Variants in AMPD1 observed in about 807,000 individuals in gnomAD.
The protein encoded by AMPD1 is adenosine monophosphate deaminase 1, also known as AMP deaminase 1.
AMPD1 carries 74 observed loss-of-function variants against 82.9 expected under a neutral mutation model. The ratio of observed to expected loss-of-function variants is 0.89; its 90% CI spans 0.74 to 1.08. The LOEUF (loss-of-function observed/expected upper bound fraction) is 1.08. Ranked by LOEUF, AMPD1 falls within the 50% of genes least tolerant of loss-of-function variation. AMPD1 has a pLI of 0.00. For missense variants in AMPD1, 881 were observed against 924.5 expected, an observed-to-expected ratio of 0.95 and a Z score of 0.61; for synonymous variants, 333 against 320.5, an observed-to-expected ratio of 1.04 and a Z score of -0.42.
intron 1 of AMPD1, among the ~76,000 whole-genome samples, chr1:114,694,527 T>C (rs1658621594): frequency 6.6e-6 from 1 of 152,110 alleles, no homozygotes; most frequent in Non-Finnish European, 1.5e-5. Flanking sequence ...TATCTTTGGA[T>C]AATGGATGTG....
intron 15 of AMPD1, 146 bp downstream of exon 15, chr1:114,673,493 T>C (rs1476609866): frequency 2.2e-5 from 19 of 865,780 alleles, no homozygotes; most frequent in Non-Finnish European, 1.1e-5. Context: ...GGCAAAGAGA[T>C]AGAATAATCC....
chr1:114,676,968 G>A (rs572808445), intron 10 of AMPD1, among the ~76,000 whole-genome samples: 2 of 152,204 alleles, frequency 1.3e-5, no homozygotes, highest in East Asian at 3.9e-4. Flanking sequence ...AGTAGTAAAG[G>A]TTCTGATACA....
chr1:114,686,649 C>T (rs1176185419), intron 4 of AMPD1, 96 bp downstream of exon 4: 4 of 1,320,022 alleles, frequency 3.0e-6, no homozygotes, highest in Non-Finnish European at 4.4e-6. Flanking sequence ...TGAGCTAATA[C>T]CTCCCTCAAC....
intron 1 of AMPD1, among the ~76,000 whole-genome samples, chr1:114,694,650 C>A (rs1320684731): frequency 6.6e-6 from 1 of 151,966 alleles, no homozygotes; most frequent in African/African-American, 2.4e-5. Flanking sequence ...TTAAGATGAG[C>A]CTGGGCAACA....
intron 7 of AMPD1, 54 bp from the exon 8 acceptor site, chr1:114,678,581 C>T: frequency 6.6e-7 from 1 of 1,510,204 alleles, no homozygotes; most frequent in South Asian, 1.1e-5. Context: ...AGTTATGCTA[C>T]TCTGTTTAGA....
chr1:114,679,194 A>T (rs1441006972), intron 7 of AMPD1, among the ~76,000 whole-genome samples: 1 of 152,176 alleles, frequency 6.6e-6, no homozygotes, highest in Non-Finnish European at 1.5e-5. Flanking sequence ...TCCCAATTTG[A>T]CAAATGAAGA....
chr1:114,693,922 C>T (rs1488522610), intron 1 of AMPD1, among the ~76,000 whole-genome samples: 1 of 152,150 alleles, frequency 6.6e-6, no homozygotes, highest in African/African-American at 2.4e-5. Context: ...CATAAAGAGG[C>T]CGGGTGCAGT....
chr1:114,676,995 G>C (rs1658002404), intron 10 of AMPD1, among the ~76,000 whole-genome samples: 1 of 152,144 alleles, frequency 6.6e-6, no homozygotes, highest in South Asian at 2.1e-4. Flanking sequence ...CCACATCCCA[G>C]TAGAGATGAG....
At chr1:114,691,863 T>C (rs886575749) in intron 2 of AMPD1, among the ~76,000 whole-genome samples, 1 of 151,882 alleles carries the variant, frequency 6.6e-6, no homozygotes, top group Non-Finnish European at 1.5e-5. Context: ...AGGTGGAGCT[T>C]GCAATGAGCC....
At chr1:114,679,757 A>G in intron 6 of AMPD1, 49 bp from the exon 7 acceptor site, 5 of 1,599,534 alleles carry the variant, frequency 3.1e-6, no homozygotes, top group Non-Finnish European at 4.3e-6. Flanking sequence ...GGCATTCAAG[A>G]AAAACAGTCA....
intron 3 of AMPD1, among the ~76,000 whole-genome samples, chr1:114,687,906 C>A (rs1658366799): frequency 6.6e-6 from 1 of 152,072 alleles, no homozygotes; most frequent in South Asian, 2.1e-4. Context: ...TCTTGAGTCC[C>A]AGTTTATATT....
intron 4 of AMPD1, among the ~76,000 whole-genome samples, chr1:114,685,500 G>A (rs773358171): frequency 5.3e-5 from 8 of 152,302 alleles, no homozygotes; most frequent in Admixed American, 2.0e-4. Context: ...CAGGTAGAGC[G>A]TAGAGTGTTG....
chr1:114,688,843 A>G, intron 2 of AMPD1, 102 bp from the exon 3 acceptor site: 2 of 1,331,996 alleles, frequency 1.5e-6, no homozygotes, highest in Non-Finnish European at 2.2e-6. Context: ...TGCTGCGTGC[A>G]TGGCTCTCCT....
At chr1:114,677,884 C>T (rs1368173910) in intron 9 of AMPD1, 26 bp downstream of exon 9, 2 of 1,594,582 alleles carry the variant, frequency 1.3e-6, no homozygotes, top group South Asian at 2.2e-5. Context: ...TGCCAGATAC[C>T]ATAGATGTGA....
intron 12 of AMPD1, 109 bp from the exon 13 acceptor site, chr1:114,674,981 G>T: frequency 2.1e-6 from 3 of 1,425,786 alleles, no homozygotes; most frequent in South Asian, 1.2e-5. Flanking sequence ...CCATCCAAAG[G>T]ATTCAGCAAA....
intron 5 of AMPD1, chr1:114,683,215 T>C (rs1340673371): frequency 1.3e-5 from 5 of 399,788 alleles, no homozygotes; most frequent in Non-Finnish European, 2.4e-5. Context: ...AGGCAAGAAA[T>C]GATAGTATTT....
At chr1:114,678,984 G>A (rs1213797605) in intron 7 of AMPD1, among the ~76,000 whole-genome samples, 1 of 152,166 alleles carries the variant, frequency 6.6e-6, no homozygotes, top group African/African-American at 2.4e-5. Context: ...TAAGTAATTA[G>A]TCCAAAGTTG....
In AMPD1 at chr1:114,686,795, T is replaced by C; in HGVS notation, c.331A>G (p.Thr111Ala). 6 of 1,613,930 alleles carry C rather than the reference T, an allele frequency of 3.7e-6. No homozygotes were observed. Among genetic ancestry groups the C allele is most frequent in the Middle Eastern group, 3.3e-4 (2 of 6,062 alleles). Residue 111 changes from threonine to alanine, a missense_variant, in exon 4 of 16, where the codon ACC becomes GCC. Physicochemically the swap from Thr to Ala is moderately conservative, Grantham distance 58. Transcript: ENST00000520113. ...TGCACTCTCTGAAAATCAGGCACGG[T>C]CTGGTAGGTTGGAGATGAGGAAATG... Reference protein sequence around the residue: ...EYISSSPTYQTVPDFQRVQIT... With the variant: ...EYISSSPTYQAVPDFQRVQIT...
At chr1:114,692,248 A>G (rs903044229) in intron 2 of AMPD1, among the ~76,000 whole-genome samples, 7 of 152,242 alleles carry the variant, frequency 4.6e-5, no homozygotes, top group African/African-American at 1.7e-4. Context: ...ATTAATGTGT[A>G]GGAAAGACAA....
Sources: gnomAD v4.1 joint callset for allele counts (sites outside exome capture counted in the v4.1 genomes callset) on GRCh38, gnomAD v4.1.1 for gene constraint, MANE v1.5 for transcripts, NCBI Gene and HGNC (gene_info 2026-07-23, HGNC 2026-07-21) for gene names.